Variants in DOK1 observed in about 807,000 individuals in gnomAD.
DOK1 encodes the protein docking protein 1.
A neutral mutation model predicts 24.0 loss-of-function variants in DOK1; 12 were observed. The ratio of observed to expected loss-of-function variants is 0.50; its 90% confidence interval spans 0.32 to 0.81. The LOEUF is 0.81. Ranked by LOEUF, DOK1 falls within the 30% of genes least tolerant of loss-of-function variation. The probability of loss-of-function intolerance (pLI) is 0.03; values close to 1 mark genes in which losing one functional copy is unlikely to be tolerated. For missense variants in DOK1, 591 were observed against 620.7 expected (o/e 0.95, Z 0.51); for synonymous variants, 250 against 260.9 (o/e 0.96, Z 0.40).
Position 74,549,383 on chromosome 2 carries a change from G to C in DOK1, c.-358+211G>C. The C allele has an allele frequency of 6.2e-7, 1 of 1,607,720 alleles. No individual in the cohort carries two copies. The highest frequency in any genetic ancestry group is 8.5e-7 in the Non-Finnish European group (1 of 1,176,980). The stretch of plus-strand genomic sequence containing the variant: ...CGGCCCCTCACCTGTAGAAGGCCGC[G>C]TTGACCCTCTTTTCGCTGGGGAAGC... On this transcript the variant is annotated intron_variant, in intron 1 of 4. Transcript: ENST00000409429. This position sits in a 1 kb window ranked among gnomAD's most constrained non-coding sequence, Gnocchi z 5.3.
rs758320392 is a variant in DOK1 at position 74,555,920 on chromosome 2, A to T, written c.481A>T (p.Arg161Trp). The T allele has an allele frequency of 1.1e-5, 17 of 1,610,976 alleles. No homozygotes were observed. Among genetic ancestry groups the T allele is most frequent in the Non-Finnish European group, 1.4e-5 (16 of 1,178,460 alleles). Residue 161 changes from arginine (R) to tryptophan (W), a missense_variant, in exon 4 of 5, where the codon AGG becomes TGG. Physicochemically the swap from Arg to Trp is moderately radical, Grantham distance 101 (BLOSUM62 -3). Coordinates refer to ENST00000233668, the MANE Select transcript of DOK1 (RefSeq NM_001381.5). This position sits in a 1 kb window ranked among gnomAD's most constrained non-coding sequence, Gnocchi z 6.1. Reference sequence around the variant, plus strand: ...ATCCCAATTCTGGGTAACGGTGCAGAGGACTGAGGCCGCCGAGCGCTGTGG... The same window carrying T: ...ATCCCAATTCTGGGTAACGGTGCAGTGGACTGAGGCCGCCGAGCGCTGTGG... ...EGSQFWVTVQ[R>W]TEAAERCGLH...
chr2:74,553,664 G>A (rs2104458557), upstream of DOK1, among the ~76,000 whole-genome samples: 1 of 152,318 alleles, frequency 6.6e-6, no homozygotes. Context: ...CCCTTAGGGC[G>A]CTCCTGGCGG....
rs1677418468 is a variant in DOK1, at chr2:74,555,883, A to G, written c.455-11A>G. ...CTCCCCCGCAGCTGTCTAATCGTGT[A>G]TGCCTTCCAGGATCCCAATTCTGGG... On this transcript the variant is annotated splice_polypyrimidine_tract_variant and intron_variant, in intron 3 of 4. Coordinates refer to ENST00000233668, the MANE Select transcript of DOK1 (RefSeq NM_001381.5). The surrounding 1 kb of genome is among the most constrained non-coding windows in gnomAD (Gnocchi z 6.1). 1.3e-6 allele frequency: 2 copies of G among 1,599,274 alleles called. No individual in the cohort carries two copies. The highest frequency in any genetic ancestry group is 1.7e-6 in the Non-Finnish European group (2 of 1,172,002).
Position 74,556,910 on chromosome 2 carries a change from T to C in DOK1, c.1242T>C (p.Pro414=). 1 of 1,614,102 alleles carries C rather than the reference T, an allele frequency of 6.2e-7. No individual in the cohort carries two copies. Among genetic ancestry groups the C allele is most frequent in the Non-Finnish European group, 8.5e-7 (1 of 1,180,018 alleles). ...CTGATGACTACGCTGTGCCACCCCCTCGGAGCACAAAGCCCCTCCTTGCTC... is the reference window on the plus strand; with the variant it reads ...CTGATGACTACGCTGTGCCACCCCCCCGGAGCACAAAGCCCCTCCTTGCTC... The part of the protein sequence containing the change: ...PATDDYAVPP[P]RSTKPLLAPK... Residue 414 remains proline, a synonymous_variant, in exon 5 of 5, where the codon CCT becomes CCC. Transcript: ENST00000233668. This position sits in a 1 kb window ranked among gnomAD's most constrained non-coding sequence, Gnocchi z 4.1.
upstream of DOK1, chr2:74,549,998 G>C (rs1404198540): frequency 4.1e-6 from 4 of 985,332 alleles, no homozygotes; most frequent in African/African-American, 7.0e-5. The surrounding 1 kb of genome is among the most constrained non-coding windows in gnomAD (Gnocchi z 5.3). Context: ...TTAGCCCCTT[G>C]AATGTGAATG....
chr2:74,550,655 G>A (rs1414520155), upstream of DOK1, among the ~76,000 whole-genome samples: 1 of 152,138 alleles, frequency 6.6e-6, no homozygotes, highest in Non-Finnish European at 1.5e-5. Context: ...AATTAATCAG[G>A]TACCTACTGT....
chr2:74,549,320 G>A lies in DOK1; in HGVS notation c.-358+148G>A. The stretch of plus-strand genomic sequence containing the variant: ...GATGTCTCCCAAGGCTATTCATCAG[G>A]GAGCACCCCAATCCCGGCCTGCTCC... On this transcript the variant is annotated intron_variant, in intron 1 of 4. Transcript: ENST00000409429. The surrounding 1 kb of genome is among the most constrained non-coding windows in gnomAD (Gnocchi z 5.3). 6.6e-7 allele frequency: 1 copy of A among 1,510,258 alleles called. No homozygotes were observed. The allele number at this position is 1,510,258 out of a possible 1,614,324, so 93.6% of individuals were successfully genotyped here.
chr2:74,555,416 C>A lies in DOK1; in HGVS notation c.323C>A (p.Ala108Glu), dbSNP rs746582326. The A allele has an allele frequency of 1.2e-6, 2 of 1,611,134 alleles. No homozygotes were observed. Among genetic ancestry groups the A allele is most frequent in the Non-Finnish European group, 8.5e-7 (1 of 1,179,312 alleles). The change falls in exon 2 of 5, where the codon GCA becomes GAA. Residue 108 changes from alanine to glutamate, a missense_variant. Ala to Glu is a moderately radical substitution (Grantham distance 107). Transcript: ENST00000233668. This position sits in a 1 kb window ranked among gnomAD's most constrained non-coding sequence, Gnocchi z 6.1. ...HLLAADAPSS[A>E]AWVQTLCRNA... ...CTGGCGGCCGACGCGCCGTCCAGTG[C>A]AGCCTGGGTGCAGACGCTGTGCCGA...
upstream of DOK1, chr2:74,552,191 C>T (rs1573030835): frequency 2.4e-6 from 2 of 817,780 alleles, no homozygotes; most frequent in East Asian, 5.4e-5. Context: ...GGTTTGTCAT[C>T]CATGGATTTA....
chr2:74,549,461 C>T lies in DOK1; in HGVS notation c.-358+289C>T. 2 of 1,613,190 alleles carry T rather than the reference C, an allele frequency of 1.2e-6. No homozygotes were observed. The highest frequency in any genetic ancestry group is 1.7e-6 in the Non-Finnish European group (2 of 1,179,734). On this transcript the variant is annotated intron_variant, in intron 1 of 4. Coordinates refer to the DOK1 transcript ENST00000409429. The surrounding 1 kb of genome is among the most constrained non-coding windows in gnomAD (Gnocchi z 5.3). ...TGTGGGCGCTCCAGCCTTTGTCGCA[C>T]ACTTGCGACCAGCCGTCAGGAAGCC...
chr2:74,553,827 C>T (rs930617110), upstream of DOK1: 4 of 152,530 alleles, frequency 2.6e-5, no homozygotes, highest in African/African-American at 9.7e-5. Context: ...CCTCCACATC[C>T]TCTCCATCCC....
chr2:74,554,679 C>G, upstream of DOK1: 1 of 1,508,220 alleles, frequency 6.6e-7, no homozygotes, highest in Non-Finnish European at 9.0e-7. This position sits in a 1 kb window ranked among gnomAD's most constrained non-coding sequence, Gnocchi z 4.9. Context: ...GGAAACTCCT[C>G]CAGGGAACCC....
At chr2:74,550,486 A>T (rs1186564609), upstream of DOK1, 1 of 923,596 alleles carries the variant, frequency 1.1e-6, no homozygotes, top group Non-Finnish European at 1.6e-6. Context: ...TAAGGGGTGG[A>T]GACGGGACAG....
rs780213651 is a variant in DOK1 at position 74,557,049 on chromosome 2, T to G, written c.1381T>G (p.Trp461Gly). The G allele has an allele frequency of 3.1e-5, 50 of 1,613,978 alleles. No homozygotes were observed. Among genetic ancestry groups the G allele is most frequent in the Non-Finnish European group, 4.2e-5 (49 of 1,180,034 alleles). ...CCAGAAGAGCGGGGCCTCAGGGAGC[T>G]GGGACTGTGGGCTCTCTAGAGTAGG... Reference protein sequence around the residue: ...QVQKSGASGSWDCGLSRVGTD... With the variant: ...QVQKSGASGSGDCGLSRVGTD... The change falls in exon 5 of 5, where the codon TGG (tryptophan) becomes GGG (glycine). Residue 461 changes from tryptophan (W) to glycine (G), a missense_variant. Physicochemically the swap from Trp to Gly is radical, Grantham distance 184. Coordinates refer to ENST00000233668, the MANE Select transcript of DOK1 (RefSeq NM_001381.5).
chr2:74,556,148 G>A lies in DOK1; in HGVS notation c.639+70G>A. The A allele has an allele frequency of 2.0e-5, 30 of 1,532,736 alleles. No individual in the cohort carries two copies. Among genetic ancestry groups the A allele is most frequent in the Non-Finnish European group, 2.4e-5 (27 of 1,139,868 alleles). The allele number at this position is 1,532,736 out of a possible 1,614,324, so 94.9% of individuals were successfully genotyped here. A position where few individuals can be genotyped will look rare whatever the true frequency, so the allele number is the denominator to read the frequency against. ...GGAGGGGTGGGGCAGGACAGAAAGT[G>A]GGAAGCTCTGACCTTTGGATCCCCC... is the stretch of plus-strand genomic sequence containing the variant. On this transcript the variant is annotated intron_variant, in intron 4 of 4. Transcript: ENST00000233668. This position sits in a 1 kb window ranked among gnomAD's most constrained non-coding sequence, Gnocchi z 4.1.
In DOK1 at chr2:74,557,007, G is replaced by A. The variant is rs187738323; in HGVS notation, c.1339G>A (p.Ala447Thr). 155 of 1,614,206 alleles carry A rather than the reference G, an allele frequency of 9.6e-5. No homozygotes were observed. The African/African-American group carries it at 1.7e-3, about 18-fold the overall frequency. The change falls in exon 5 of 5, where the codon GCC becomes ACC. Residue 447 changes from alanine to threonine, a missense_variant. Ala to Thr is a moderately conservative substitution (Grantham distance 58, BLOSUM62 0). Transcript: ENST00000233668. Reference sequence around the variant, plus strand: ...CAGTGGCATCAAAAGCCACAACTCAGCCCTGTACAGCCAGGTCCAGAAGAG... The same window carrying A: ...CAGTGGCATCAAAAGCCACAACTCAACCCTGTACAGCCAGGTCCAGAAGAG... ...TGSGIKSHNS[A>T]LYSQVQKSGA...
chr2:74,552,630 C>A, upstream of DOK1: 1 of 1,552,350 alleles, frequency 6.4e-7, no homozygotes, highest in South Asian at 1.2e-5. Context: ...ACTGACAGGT[C>A]GCATGGCAGG....
Position 74,556,186 on chromosome 2 carries a change from C to T in DOK1, c.639+108C>T. On this transcript the variant is annotated intron_variant, in intron 4 of 4. Transcript: ENST00000233668. The surrounding 1 kb of genome is among the most constrained non-coding windows in gnomAD (Gnocchi z 4.1). ...CTTTGGATCCCCCTTTCTTGCCTAC[C>T]CGGTGACCCCGCGTCTGTTCGCAGG... 4.6e-6 allele frequency: 7 copies of T among 1,530,362 alleles called. No homozygotes were observed. In the South Asian group the frequency reaches 9.0e-5, roughly 20 times the overall value. The allele number at this position is 1,530,362 out of a possible 1,614,324, so 94.8% of individuals were successfully genotyped here. A position where few individuals can be genotyped will look rare whatever the true frequency, so the allele number is the denominator to read the frequency against.
At chr2:74,551,209 T>C (rs1467636768), upstream of DOK1, among the ~76,000 whole-genome samples, 1 of 152,212 alleles carries the variant, frequency 6.6e-6, no homozygotes, top group Non-Finnish European at 1.5e-5. Context: ...GCTGGGATTA[T>C]AGGCGTGAGC....
Sources: allele counts gnomAD v4.1 joint callset (sites outside exome capture counted in the v4.1 genomes callset), GRCh38; gene constraint gnomAD v4.1.1; non-coding constraint Gnocchi (gnomAD v3.1); transcripts MANE v1.5; gene names NCBI Gene and HGNC (gene_info 2026-07-23, HGNC 2026-07-21).